WWOX: variants seen among roughly 807,000 people sequenced by gnomAD.
WWOX encodes the protein WW domain-containing oxidoreductase.
In WWOX, 69 loss-of-function variants were observed where a neutral mutation model predicts 46.2. The observed-to-expected ratio is 1.49, with a 90% CI of 1.23 to 1.82. The LOEUF (loss-of-function observed/expected upper bound fraction) is 1.82. Among genes scored for constraint, WWOX ranks in the 40% most tolerant of loss-of-function variants. WWOX has a pLI of 0.00. For synonymous variants in WWOX, 359 were observed against 202.6 expected, an observed-to-expected ratio of 1.77 and a Z score of -6.56; for missense variants, 919 against 542.6, an observed-to-expected ratio of 1.69 and a Z score of -6.89.
rs146915111 is a variant in WWOX at position 78,564,482 on chromosome 16, C to A, written c.1056+131730C>A. ...TTGAAGATCCTTGAAAATCTAGTCTCCCTCACAAGGATCAGGTGGCAGGAT... is the reference window on the plus strand; with the variant it reads ...TTGAAGATCCTTGAAAATCTAGTCTACCTCACAAGGATCAGGTGGCAGGAT... On this transcript the variant is annotated intron_variant, in intron 8 of 8. Transcript: ENST00000566780. Among the ~76,000 whole-genome samples the A allele has an allele frequency of 2.5e-3, 375 of 152,236 alleles. 2 individuals are homozygous for A. Among genetic ancestry groups the A allele is most frequent in the African/African-American group, 8.5e-3 (354 of 41,552 alleles).
At chr16:78,100,958 T>C (rs955512929) in intron 1 of WWOX, among the ~76,000 whole-genome samples, 1 of 152,206 alleles carries the variant, frequency 6.6e-6, no homozygotes, top group Non-Finnish European at 1.5e-5. Context: ...CACCTGGTTT[T>C]GAGAAACATG....
In WWOX at chr16:78,717,486, C is replaced by G. The variant is rs146684714; in HGVS notation, c.1056+284734C>G. On this transcript the variant is annotated intron_variant, in intron 8 of 8. Coordinates refer to ENST00000566780, the MANE Select transcript of WWOX (RefSeq NM_016373.4). ...TGCTTGGCTTTTGGTAGGTGGTCAA[C>G]AAATGTGTATTAAGTATATGAACTG... 5.3e-5 allele frequency among the ~76,000 whole-genome samples: 8 copies of G among 152,220 alleles called. No individual in the cohort carries two copies. In the East Asian group the frequency reaches 1.4e-3, roughly 26 times the overall value.
intron 5 of WWOX, among the ~76,000 whole-genome samples, chr16:78,230,027 A>G (rs1176463072): frequency 1.3e-5 from 2 of 151,998 alleles, no homozygotes; most frequent in African/African-American, 4.8e-5. Flanking sequence ...CTACAGGTGC[A>G]TGCCACCACA....
At chr16:78,738,000 G>C (rs73571683) in intron 8 of WWOX, among the ~76,000 whole-genome samples, 1 of 152,186 alleles carries the variant, frequency 6.6e-6, no homozygotes, top group Admixed American at 6.5e-5. Context: ...TAACATAGCA[G>C]GGGTTTCCCT....
chr16:78,975,156 T>C, intron 8 of WWOX, among the ~76,000 whole-genome samples: 1 of 152,282 alleles, frequency 6.6e-6, no homozygotes, highest in East Asian at 1.9e-4. Flanking sequence ...AAAGTCAACA[T>C]TGTTATGTTT....
At chr16:78,702,748 C>A (rs774022219) in intron 8 of WWOX, among the ~76,000 whole-genome samples, 1 of 151,914 alleles carries the variant, frequency 6.6e-6, no homozygotes, top group East Asian at 1.9e-4. Context: ...ATGGAAAGAT[C>A]GCAGAGGAAG....
At chr16:78,815,954 C>G (rs1399123015) in intron 8 of WWOX, among the ~76,000 whole-genome samples, 1 of 152,168 alleles carries the variant, frequency 6.6e-6, no homozygotes, top group Non-Finnish European at 1.5e-5. Flanking sequence ...TCGATGTTCC[C>G]AAGTCTCCTG....
At chr16:79,064,187 T>G (rs1380982056) in intron 8 of WWOX, among the ~76,000 whole-genome samples, 1 of 152,188 alleles carries the variant, frequency 6.6e-6, no homozygotes, top group Non-Finnish European at 1.5e-5. Flanking sequence ...TTTGTAATAT[T>G]GTTGTACAAG....
At chr16:78,939,824 A>C (rs1372973962) in intron 8 of WWOX, among the ~76,000 whole-genome samples, 1 of 152,190 alleles carries the variant, frequency 6.6e-6, no homozygotes, top group Non-Finnish European at 1.5e-5. Context: ...GTCATCCTTC[A>C]TCAAGGTGAC....
At chr16:79,028,235 C>T (rs2047684571) in intron 8 of WWOX, among the ~76,000 whole-genome samples, 1 of 151,818 alleles carries the variant, frequency 6.6e-6, no homozygotes, top group Non-Finnish European at 1.5e-5. Context: ...AGGCGTGAGC[C>T]ACCACGCCCG....
chr16:78,460,983 T>C (rs1013711978), intron 8 of WWOX, among the ~76,000 whole-genome samples: 1 of 152,150 alleles, frequency 6.6e-6, no homozygotes, highest in Non-Finnish European at 1.5e-5. Context: ...TTGCCACAGG[T>C]AGAAGCCATG....
At chr16:79,200,085 C>T (rs980896631) in intron 8 of WWOX, among the ~76,000 whole-genome samples, 6 of 152,184 alleles carry the variant, frequency 3.9e-5, no homozygotes, top group Non-Finnish European at 5.9e-5. Flanking sequence ...TTCAGGACCT[C>T]CTTTGCACGA....
In WWOX at chr16:78,386,850, C is replaced by A. The variant is rs199820033; in HGVS notation, c.517-10C>A. On this transcript the variant is annotated splice_polypyrimidine_tract_variant and intron_variant, in intron 5 of 8. Transcript: ENST00000566780. The stretch of plus-strand genomic sequence containing the variant: ...TATTTATCATTTCTTTTTATTTTCT[C>A]TCATTGCAGCATAAAGCCAAGGTAG... 1.2e-6 allele frequency: 2 copies of A among 1,611,118 alleles called. No homozygotes were observed. The highest frequency in any genetic ancestry group is 1.6e-4 in the Middle Eastern group (1 of 6,062).
At chr16:78,631,925 T>C (rs1383286910) in intron 8 of WWOX, among the ~76,000 whole-genome samples, 1 of 152,152 alleles carries the variant, frequency 6.6e-6, no homozygotes, top group Admixed American at 6.5e-5. Context: ...TTATTCTGTC[T>C]TCTATGAAAT....
At chr16:79,075,310 G>C (rs1322507734) in intron 8 of WWOX, among the ~76,000 whole-genome samples, 1 of 152,116 alleles carries the variant, frequency 6.6e-6, no homozygotes, top group Non-Finnish European at 1.5e-5. Context: ...ATACATGTAT[G>C]TTCAAGACAC....
intron 5 of WWOX, among the ~76,000 whole-genome samples, chr16:78,247,127 C>CT (rs1013891156): frequency 3.9e-5 from 6 of 152,078 alleles, no homozygotes; most frequent in Admixed American, 1.3e-4. Context: ...CCCCAGCCCC[C>CT]TTTTTTTCAG....
At chr16:78,809,365 C>T (rs1354710921) in intron 8 of WWOX, among the ~76,000 whole-genome samples, 3 of 147,836 alleles carry the variant, frequency 2.0e-5, no homozygotes, top group Non-Finnish European at 4.5e-5. Flanking sequence ...AAGAAAAAAG[C>T]ATTTTTCGAA....
At chr16:79,144,894 A>C (rs1393655068) in intron 8 of WWOX, among the ~76,000 whole-genome samples, 2 of 152,152 alleles carry the variant, frequency 1.3e-5, no homozygotes, top group African/African-American at 4.8e-5. Context: ...TACTGTGCCT[A>C]ATTTATAAGT....
chr16:78,975,661 A>T lies in WWOX; in HGVS notation c.1057-235947A>T, dbSNP rs1283667198. ...GTCGTCCCTCAAAACCAATGTTAAC[A>T]CCCCTGGATGTATTGTCACCCCTGT... On this transcript the variant is annotated intron_variant, in intron 8 of 8. Coordinates refer to ENST00000566780, the MANE Select transcript of WWOX (RefSeq NM_016373.4). 3.9e-5 allele frequency among the ~76,000 whole-genome samples: 6 copies of T among 151,958 alleles called. No individual in the cohort carries two copies. In the South Asian group the frequency reaches 1.0e-3, roughly 26 times the overall value.
Sources: allele counts gnomAD v4.1 joint callset (sites outside exome capture counted in the v4.1 genomes callset), GRCh38; gene constraint gnomAD v4.1.1; transcripts MANE v1.5; gene names NCBI Gene and HGNC (gene_info 2026-07-23, HGNC 2026-07-21).